The following PGBD5 variants were observed in gnomAD, a reference collection of about 807,000 sequenced individuals.
The protein encoded by PGBD5 is piggyBac transposable element-derived protein 5.
Under a neutral mutation model 47.9 loss-of-function variants are expected in PGBD5, and 14 were observed. The ratio of observed to expected loss-of-function variants is 0.29; its 90% CI spans 0.19 to 0.46. The LOEUF is 0.46. PGBD5 is among the 20% of genes least tolerant of loss of function. The pLI, the probability that PGBD5 is intolerant of heterozygous loss-of-function variation, is 1.00. For synonymous variants in PGBD5, 316 were observed against 306.3 expected, an observed-to-expected ratio of 1.03 and a Z score of -0.33; for missense variants, 635 against 716.0, an observed-to-expected ratio of 0.89 and a Z score of 1.29.
chr1:230,406,829 A>C (rs1657308256), intron 1 of PGBD5, among the ~76,000 whole-genome samples: 1 of 152,184 alleles, frequency 6.6e-6, no homozygotes, highest in African/African-American at 2.4e-5. Flanking sequence ...TTTCACAATC[A>C]AGTTTGACAA....
Position 230,336,932 on chromosome 1 carries a change from G to A in PGBD5, c.1075+176C>T, listed in dbSNP as rs183609425. 4.4e-4 allele frequency among the ~76,000 whole-genome samples: 67 copies of A among 152,302 alleles called. No homozygotes were observed. In the South Asian group the frequency reaches 9.1e-3, roughly 21 times the overall value. ...CACCTTGCAATCTCTAGTGCCCAGC[G>A]GGATCCAGCACACAGGGTGGCTGAG... is the stretch of plus-strand genomic sequence containing the variant. On this transcript the variant is annotated intron_variant, in intron 4 of 6. Transcript: ENST00000391860.
At chr1:230,362,026 A>C (rs1260568295) in intron 1 of PGBD5, among the ~76,000 whole-genome samples, 1 of 152,248 alleles carries the variant, frequency 6.6e-6, no homozygotes, top group Non-Finnish European at 1.5e-5. Context: ...AGTGCAACTG[A>C]GCAGGAAGGG....
intron 3 of PGBD5, among the ~76,000 whole-genome samples, chr1:230,337,633 C>T (rs184537077): frequency 2.1e-4 from 32 of 152,308 alleles, no homozygotes; most frequent in Non-Finnish European, 4.4e-5. Context: ...GGCAACCTCA[C>T]CTGTTAGGAA....
chr1:230,422,208 A>T (rs1657664679), intron 1 of PGBD5, among the ~76,000 whole-genome samples: 1 of 152,118 alleles, frequency 6.6e-6, no homozygotes, highest in Admixed American at 6.5e-5. Flanking sequence ...CAGCCATGAC[A>T]AAGGACTGAC....
At chr1:230,387,390 A>C (rs1359770299) in intron 1 of PGBD5, among the ~76,000 whole-genome samples, 2 of 152,212 alleles carry the variant, frequency 1.3e-5, no homozygotes, top group South Asian at 2.1e-4. Flanking sequence ...TAGAAGCAGA[A>C]TAAAGAATAA....
At chr1:230,421,461 T>C (rs1657646383) in intron 1 of PGBD5, among the ~76,000 whole-genome samples, 1 of 152,232 alleles carries the variant, frequency 6.6e-6, no homozygotes, top group African/African-American at 2.4e-5. Context: ...GGTAATCTCA[T>C]CACCCCCGGG....
chr1:230,321,580 A>T lies in PGBD5; in HGVS notation c.*1845T>A, dbSNP rs1349006998. 1 of 152,312 alleles carries T rather than the reference A, an allele frequency of 6.6e-6. No individual in the cohort carries two copies. Among genetic ancestry groups the T allele is most frequent in the Non-Finnish European group, 1.5e-5 (1 of 68,048 alleles). The allele number at this position is 152,312 out of a possible 1,614,324, so 9.4% of individuals were successfully genotyped here. The stretch of plus-strand genomic sequence containing the variant: ...CAGCCTCCAAAAGTGCTGGGATTAC[A>T]GGCATGAGCCACCGCACCCCGCCTG... On this transcript the variant is annotated 3_prime_UTR_variant, in exon 7 of 7. Transcript: ENST00000391860.
At chr1:230,381,161 G>A (rs1414997489) in intron 1 of PGBD5, among the ~76,000 whole-genome samples, 1 of 152,258 alleles carries the variant, frequency 6.6e-6, no homozygotes, top group Non-Finnish European at 1.5e-5. Context: ...AGCCAAACAA[G>A]GTTGCGAAAT....
chr1:230,346,233 G>A (rs1667471273), intron 3 of PGBD5, among the ~76,000 whole-genome samples: 1 of 152,074 alleles, frequency 6.6e-6, no homozygotes, highest in African/African-American at 2.4e-5. Flanking sequence ...TGGAGACAGG[G>A]TTTTGCCATG....
rs1393394159 is a variant in PGBD5, at chr1:230,425,933, C to T, written c.-5G>A. 3.0e-4 allele frequency: 283 copies of T among 955,474 alleles called. No individual in the cohort carries two copies. In the African/African-American group the frequency reaches 4.4e-3, roughly 15 times the overall value. 59.2% of individuals were successfully genotyped at this position (955,474 alleles called of 1,614,324 possible). A position where few individuals can be genotyped will look rare whatever the true frequency, so the allele number is the denominator to read the frequency against. ...GCCCCCGCCGCCCTCGGCCATGGCC[C>T]CGGCCGCCGCCCGCGCGCCCGCCCC... On this transcript the variant is annotated 5_prime_UTR_variant, in exon 1 of 7. Coordinates refer to ENST00000391860, the MANE Select transcript of PGBD5 (RefSeq NM_001258311.2). This position sits in a 1 kb window ranked among gnomAD's most constrained non-coding sequence, Gnocchi z 4.7.
At chr1:230,358,342 C>T (rs1167348267) in intron 1 of PGBD5, among the ~76,000 whole-genome samples, 1 of 152,126 alleles carries the variant, frequency 6.6e-6, no homozygotes. Flanking sequence ...AGGGGCATGG[C>T]TACGGCTTTC....
chr1:230,356,177 C>T (rs773480029), intron 2 of PGBD5, among the ~76,000 whole-genome samples: 1 of 152,176 alleles, frequency 6.6e-6, no homozygotes, highest in Non-Finnish European at 1.5e-5. Context: ...AGAGACATCT[C>T]TAGAAATTAG....
At chr1:230,409,006 C>T (rs1657359149) in intron 1 of PGBD5, among the ~76,000 whole-genome samples, 1 of 152,126 alleles carries the variant, frequency 6.6e-6, no homozygotes, top group Non-Finnish European at 1.5e-5. Flanking sequence ...ACTCTTACAA[C>T]TCAATAAAAA....
chr1:230,373,146 A>C (rs899057102), intron 1 of PGBD5, among the ~76,000 whole-genome samples: 1 of 152,190 alleles, frequency 6.6e-6, no homozygotes, highest in African/African-American at 2.4e-5. Flanking sequence ...CAATTCGTGC[A>C]TTTCAGCTTT....
chr1:230,330,559 C>A (rs560686649), intron 5 of PGBD5, among the ~76,000 whole-genome samples: 1 of 152,310 alleles, frequency 6.6e-6, no homozygotes, highest in East Asian at 1.9e-4. Context: ...AAGATGTGAA[C>A]CCCAAAACAG....
chr1:230,355,101 C>T (rs115570011), intron 2 of PGBD5, among the ~76,000 whole-genome samples: 1,946 of 152,290 alleles, frequency 0.013, 38 homozygotes, highest in African/African-American at 0.043. Context: ...GATCATCCTT[C>T]TAGGCTCTCC....
intron 4 of PGBD5, 65 bp downstream of exon 4, chr1:230,337,043 A>T: frequency 2.6e-6 from 4 of 1,554,578 alleles, no homozygotes; most frequent in Non-Finnish European, 3.5e-6. Context: ...CCCCACCTGG[A>T]CCTCTCCCAC....
chr1:230,379,269 A>G (rs921628121), intron 1 of PGBD5, among the ~76,000 whole-genome samples: 1 of 151,320 alleles, frequency 6.6e-6, no homozygotes, highest in Non-Finnish European at 1.5e-5. Context: ...AACCCTGGCG[A>G]CCTCCTTTCA....
chr1:230,421,068 A>G (rs1657636903), intron 1 of PGBD5, among the ~76,000 whole-genome samples: 1 of 152,130 alleles, frequency 6.6e-6, no homozygotes, highest in East Asian at 1.9e-4. Context: ...AGACCTCACC[A>G]CCTGTTCCAG....
Sources: allele counts gnomAD v4.1 joint callset (sites outside exome capture counted in the v4.1 genomes callset), GRCh38; gene constraint gnomAD v4.1.1; non-coding constraint Gnocchi (gnomAD v3.1); transcripts MANE v1.5; gene names NCBI Gene and HGNC (gene_info 2026-07-23, HGNC 2026-07-21).